Variants in NRXN1 observed in about 807,000 individuals in gnomAD.
The protein encoded by NRXN1 is neurexin 1.
In NRXN1, 39 loss-of-function variants were observed where a neutral mutation model predicts 150.9. That is an observed-to-expected ratio of 0.26 (90% CI 0.20 to 0.34). NRXN1 has a LOEUF of 0.34. Among genes scored for constraint, NRXN1 ranks in the 10% least tolerant of loss-of-function variants. The pLI is 1.00. For synonymous variants in NRXN1, 924 were observed against 757.0 expected, an observed-to-expected ratio of 1.22 and a Z score of -3.62; for missense variants, 1,815 against 1,949.9, an observed-to-expected ratio of 0.93 and a Z score of 1.30.
At chr2:50,813,008 A>G (rs1668440785) in intron 5 of NRXN1, among the ~76,000 whole-genome samples, 1 of 152,112 alleles carries the variant, frequency 6.6e-6, no homozygotes, top group Non-Finnish European at 1.5e-5. Flanking sequence ...TGGGCAACAC[A>G]GTGAGATCTC....
At chr2:50,534,407 T>A (rs1296105911) in intron 10 of NRXN1, among the ~76,000 whole-genome samples, 2 of 152,146 alleles carry the variant, frequency 1.3e-5, no homozygotes, top group Admixed American at 6.5e-5. Flanking sequence ...TGGTTCTATA[T>A]AATATCATAT....
chr2:50,180,769 C>T (rs943799400), intron 18 of NRXN1, among the ~76,000 whole-genome samples: 2 of 152,098 alleles, frequency 1.3e-5, no homozygotes, highest in Non-Finnish European at 2.9e-5. Flanking sequence ...TATAAACTAC[C>T]TGGTTTTAGG....
At chr2:50,978,425 A>C (rs1274743204) in intron 2 of NRXN1, among the ~76,000 whole-genome samples, 1 of 150,558 alleles carries the variant, frequency 6.6e-6, no homozygotes, top group African/African-American at 2.4e-5. Context: ...GTATTTGTAT[A>C]ATCTGCATCA....
intron 2 of NRXN1, among the ~76,000 whole-genome samples, chr2:50,966,711 T>C (rs1224886638): frequency 2.0e-5 from 3 of 151,930 alleles, no homozygotes; most frequent in Non-Finnish European, 4.4e-5. Flanking sequence ...AGGCAAATGT[T>C]GTATGGGTAG....
At chr2:50,976,092 C>T (rs1695777151) in intron 2 of NRXN1, among the ~76,000 whole-genome samples, 2 of 151,952 alleles carry the variant, frequency 1.3e-5, no homozygotes, top group South Asian at 2.1e-4. Context: ...GCCCTGTAGA[C>T]TCCCTATTTT....
chr2:50,844,202 T>TA (rs1181228251), intron 5 of NRXN1, among the ~76,000 whole-genome samples: 1 of 152,168 alleles, frequency 6.6e-6, no homozygotes, highest in Non-Finnish European at 1.5e-5. Context: ...TCCTAGCACA[T>TA]AAGTCCTTCC....
chr2:50,906,045 T>C (rs1164875737), intron 5 of NRXN1, among the ~76,000 whole-genome samples: 1 of 152,142 alleles, frequency 6.6e-6, no homozygotes, highest in Non-Finnish European at 1.5e-5. Flanking sequence ...GCTGGTTGAA[T>C]GGTGTTATAT....
At chr2:50,375,277 T>C (rs1255858993) in intron 17 of NRXN1, among the ~76,000 whole-genome samples, 1 of 151,814 alleles carries the variant, frequency 6.6e-6, no homozygotes, top group Admixed American at 6.6e-5. Context: ...ATAAAAACAA[T>C]GATAGTAATT....
chr2:50,922,115 C>T (rs1292746305), intron 4 of NRXN1, among the ~76,000 whole-genome samples: 1 of 151,828 alleles, frequency 6.6e-6, no homozygotes, highest in East Asian at 1.9e-4. Context: ...AAGGCCCATG[C>T]TCAGTTTTAA....
chr2:50,742,857 C>A (rs1192125541), intron 5 of NRXN1, among the ~76,000 whole-genome samples: 1 of 152,108 alleles, frequency 6.6e-6, no homozygotes, highest in African/African-American at 2.4e-5. Context: ...ACATTACTTA[C>A]TTCCACATTT....
intron 17 of NRXN1, among the ~76,000 whole-genome samples, chr2:50,371,013 C>A (rs940681474): frequency 1.3e-5 from 2 of 151,928 alleles, no homozygotes; most frequent in African/African-American, 4.8e-5. Context: ...CAAATTCAAT[C>A]AAAGGAAATC....
chr2:50,883,020 A>G (rs917538422), intron 5 of NRXN1, among the ~76,000 whole-genome samples: 1 of 151,908 alleles, frequency 6.6e-6, no homozygotes, highest in Non-Finnish European at 1.5e-5. Flanking sequence ...CACAAAATAA[A>G]TGTCCATAAA....
intron 5 of NRXN1, among the ~76,000 whole-genome samples, chr2:50,640,395 T>C (rs959170366): frequency 2.6e-5 from 4 of 152,308 alleles, no homozygotes; most frequent in African/African-American, 9.6e-5. Flanking sequence ...ATGATCTATG[T>C]ATAATATTGC....
chr2:50,968,136 C>A (rs1694402255), intron 2 of NRXN1, among the ~76,000 whole-genome samples: 1 of 152,008 alleles, frequency 6.6e-6, no homozygotes, highest in Non-Finnish European at 1.5e-5. Flanking sequence ...GATGGCAAAA[C>A]TTTTCAGAAA....
At chr2:50,108,840 T>A (rs1383511983) in intron 18 of NRXN1, among the ~76,000 whole-genome samples, 2 of 151,972 alleles carry the variant, frequency 1.3e-5, no homozygotes. Context: ...TGACAGGAAA[T>A]AAAAATAACA....
intron 18 of NRXN1, among the ~76,000 whole-genome samples, chr2:50,180,074 T>G (rs947815255): frequency 6.6e-6 from 1 of 152,062 alleles, no homozygotes; most frequent in Admixed American, 6.6e-5. Flanking sequence ...CTGGCTGGAG[T>G]GCAGTGGTTC....
At chr2:50,472,741 G>A (rs1266068392) in intron 15 of NRXN1, among the ~76,000 whole-genome samples, 4 of 151,286 alleles carry the variant, frequency 2.6e-5, no homozygotes, top group Admixed American at 2.6e-4. Flanking sequence ...TAGCTATAGA[G>A]ATGCATACCC....
rs1672338069 is a variant in NRXN1 at position 50,581,984 on chromosome 2, A to ACAT, written c.1321-28962_1321-28960dup. 5.3e-5 allele frequency among the ~76,000 whole-genome samples: 8 copies of ACAT among 152,310 alleles called. No individual in the cohort carries two copies. In the South Asian group the frequency reaches 1.7e-3, roughly 32 times the overall value. ...ATACATAGTAATATTTCACTCTAGT[A>ACAT]CATCATCACAGAGAGAATATGGCTT... On this transcript the variant is annotated intron_variant, in intron 8 of 22. Coordinates refer to ENST00000401669, the MANE Select transcript of NRXN1 (RefSeq NM_001330078.2).
At chr2:50,921,305 T>G (rs960217283) in intron 5 of NRXN1, among the ~76,000 whole-genome samples, 2 of 151,828 alleles carry the variant, frequency 1.3e-5, no homozygotes, top group Non-Finnish European at 2.9e-5. Flanking sequence ...TAGTTGATAA[T>G]GCCCTTAAAA....
Sources: gnomAD v4.1 joint callset for allele counts (sites outside exome capture counted in the v4.1 genomes callset) on GRCh38, gnomAD v4.1.1 for gene constraint, MANE v1.5 for transcripts, NCBI Gene and HGNC (gene_info 2026-07-23, HGNC 2026-07-21) for gene names.